Variants in FUT8 observed in about 807,000 individuals in gnomAD.
FUT8 encodes the protein alpha-(1,6)-fucosyltransferase.
Under a neutral mutation model 71.3 loss-of-function variants are expected in FUT8, and 29 were observed. The observed-to-expected ratio is 0.41, with a 90% CI of 0.30 to 0.55. The LOEUF is 0.55. FUT8 is among the 20% of genes least tolerant of loss of function. FUT8 has a pLI of 0.34. For missense variants in FUT8, 544 were observed against 702.1 expected (o/e 0.77, Z 2.55); for synonymous variants, 254 against 239.3 (o/e 1.06, Z -0.57).
At chr14:65,458,784 TTTC>T (rs1390940174) in intron 2 of FUT8, among the ~76,000 whole-genome samples, 2 of 150,990 alleles carry the variant, frequency 1.3e-5, no homozygotes, top group African/African-American at 4.9e-5. Context: ...TTTCTTTTCT[TTTC>T]TTTCTTTTTT....
In FUT8 at chr14:65,627,288, G is replaced by A. The variant is rs567844626; in HGVS notation, c.483-2204G>A. On this transcript the variant is annotated intron_variant, in intron 5 of 10. Coordinates refer to ENST00000673929, the MANE Select transcript of FUT8 (RefSeq NM_001371533.1). The surrounding 1 kb of genome is among the most constrained non-coding windows in gnomAD (Gnocchi z 4.0). ...AGTGTTAGCAGCAGTGAATCCATAC[G>A]GGCCTGCAGCAGCTCGATTCTTGCT... is the stretch of plus-strand genomic sequence containing the variant. Among the ~76,000 whole-genome samples, 1 of 152,040 alleles carries A rather than the reference G, an allele frequency of 6.6e-6. No homozygotes were observed. Among genetic ancestry groups the A allele is most frequent in the Non-Finnish European group, 1.5e-5 (1 of 68,002 alleles).
the FUT8 span, among the ~76,000 whole-genome samples, chr14:65,383,592 G>C: frequency 6.6e-6 from 1 of 152,078 alleles, no homozygotes; most frequent in African/African-American, 2.4e-5. Context: ...TTTTACCCAA[G>C]AATAAAATAC....
chr14:65,740,774 C>T (rs10134109), intron 10 of FUT8, among the ~76,000 whole-genome samples: 1 of 151,920 alleles, frequency 6.6e-6, no homozygotes, highest in African/African-American at 2.4e-5. Context: ...GAAACCGCCC[C>T]CATGATCCAA....
chr14:65,580,764 T>C (rs1321174080), intron 3 of FUT8, among the ~76,000 whole-genome samples: 1 of 152,072 alleles, frequency 6.6e-6, no homozygotes, highest in African/African-American at 2.4e-5. Flanking sequence ...CAATATCTTA[T>C]ATGAAAGATT....
In FUT8 at chr14:65,413,673, C is replaced by T. The variant is rs1487585586; in HGVS notation, c.-326+459C>T. Among the ~76,000 whole-genome samples, 1 of 152,184 alleles carries T rather than the reference C, an allele frequency of 6.6e-6. No individual in the cohort carries two copies. Among genetic ancestry groups the T allele is most frequent in the African/African-American group, 2.4e-5 (1 of 41,440 alleles). ...GTGCGTTATGGGCTCTTTCTGAGTG[C>T]TGCTCGGGCTAGAAAGCAGGGAGTG... On this transcript the variant is annotated intron_variant, in intron 1 of 10. Coordinates refer to ENST00000673929, the MANE Select transcript of FUT8 (RefSeq NM_001371533.1). The surrounding 1 kb of genome is among the most constrained non-coding windows in gnomAD (Gnocchi z 4.1).
At chr14:65,658,695 C>T (rs1891813964) in intron 6 of FUT8, among the ~76,000 whole-genome samples, 1 of 152,030 alleles carries the variant, frequency 6.6e-6, no homozygotes. Flanking sequence ...TTATAATGCT[C>T]TTAAAGTGAC....
chr14:65,400,625 C>A, the FUT8 span, among the ~76,000 whole-genome samples: 1 of 152,188 alleles, frequency 6.6e-6, no homozygotes, highest in Non-Finnish European at 1.5e-5. Flanking sequence ...GTGGCTCACA[C>A]CTATAATCCC....
chr14:65,616,281 A>G lies in FUT8; in HGVS notation c.390A>G (p.Leu130=), dbSNP rs780567844. Residue 130 remains leucine (L), a synonymous_variant, in exon 5 of 11, where the codon CTA becomes CTG. Coordinates refer to ENST00000673929, the MANE Select transcript of FUT8 (RefSeq NM_001371533.1). ...GAGCTAAAGAGCTCTGGTTTTTCCT[A>G]CAGAGTGAATTGAAGAAATTAAAGA... ...ENGAKELWFF[L]QSELKKLKNL... 1.9e-6 allele frequency: 3 copies of G among 1,612,704 alleles called. No homozygotes were observed. Among genetic ancestry groups the G allele is most frequent in the East Asian group, 2.2e-5 (1 of 44,866 alleles).
In FUT8 at chr14:65,568,928, G is replaced by A. The variant is rs117012915; in HGVS notation, c.203+7162G>A. ...TTAATAATATCCTATAGTATTTATA[G>A]TGCAGGTTTGATAGCAATAAATTCA... On this transcript the variant is annotated intron_variant, in intron 3 of 10. Coordinates refer to ENST00000673929, the MANE Select transcript of FUT8 (RefSeq NM_001371533.1). 4.2e-3 allele frequency among the ~76,000 whole-genome samples: 629 copies of A among 151,540 alleles called. 15 individuals are homozygous for A. The East Asian group carries it at 0.075, about 18-fold the overall frequency.
At chr14:65,719,458 G>A (rs1383769106) in intron 7 of FUT8, among the ~76,000 whole-genome samples, 2 of 152,076 alleles carry the variant, frequency 1.3e-5, no homozygotes, top group African/African-American at 2.4e-5. Context: ...GGTCCCTGGT[G>A]CCTTATTTAG....
At chr14:65,386,503 CAAAAAAA>C in the FUT8 span, among the ~76,000 whole-genome samples, 18 of 46,894 alleles carry the variant, frequency 3.8e-4, no homozygotes, top group African/African-American at 9.9e-4. Flanking sequence ...GACCTCGTCT[CAAAAAAA>C]AAAAAAAAAA....
At chr14:65,654,366 A>G (rs935335207) in intron 6 of FUT8, among the ~76,000 whole-genome samples, 29 of 152,208 alleles carry the variant, frequency 1.9e-4, no homozygotes, top group African/African-American at 6.3e-4. Context: ...AGGCAGGCGG[A>G]TCACCTGAGG....
chr14:65,516,146 C>T (rs146000750), intron 2 of FUT8: 1 of 151,352 alleles, frequency 6.6e-6, no homozygotes, highest in African/African-American at 2.4e-5. Context: ...CAGCATGGTA[C>T]TCTAGCCTAG....
chr14:65,653,492 G>T (rs1482616861), intron 6 of FUT8, among the ~76,000 whole-genome samples: 1 of 152,048 alleles, frequency 6.6e-6, no homozygotes, highest in Non-Finnish European at 1.5e-5. Flanking sequence ...CTTAAATTTG[G>T]CAAACCTAAA....
At chr14:65,691,754 T>C (rs11158608) in intron 7 of FUT8, among the ~76,000 whole-genome samples, 90,245 of 149,952 alleles carry the variant, frequency 0.6, 27,529 homozygotes, top group East Asian at 0.74. Flanking sequence ...TGCGGCCTTC[T>C]GCAGTGTTTG....
At chr14:65,450,968 T>C (rs925765522) in intron 1 of FUT8, among the ~76,000 whole-genome samples, 2 of 151,912 alleles carry the variant, frequency 1.3e-5, no homozygotes, top group African/African-American at 4.8e-5. Flanking sequence ...GCCATTCTCC[T>C]GCCTCAGCCT....
chr14:65,664,018 G>A (rs1411211387), intron 6 of FUT8, among the ~76,000 whole-genome samples: 1 of 152,054 alleles, frequency 6.6e-6, no homozygotes, highest in African/African-American at 2.4e-5. Flanking sequence ...GGGAAATTGG[G>A]TGTTAGGTAT....
chr14:65,715,981 A>C (rs1439071704), intron 7 of FUT8, among the ~76,000 whole-genome samples: 2 of 151,532 alleles, frequency 1.3e-5, no homozygotes, highest in East Asian at 3.9e-4. Flanking sequence ...TCTCAAAAAA[A>C]AAAAAAAACA....
Position 65,609,163 on chromosome 14 carries a change from C to T in FUT8, c.204-6815C>T, listed in dbSNP as rs1340141295. On this transcript the variant is annotated intron_variant, in intron 3 of 10. Transcript: ENST00000673929. ...TATAAAAATTAGCCGGGTGTGGTGG[C>T]GCGCTCCTGTAGTCCCAGCTACTTG... 7.3e-5 allele frequency among the ~76,000 whole-genome samples: 11 copies of T among 151,494 alleles called. 1 individual carries two copies. Among genetic ancestry groups the T allele is most frequent in the African/African-American group, 1.7e-4 (7 of 41,302 alleles).
Sources: allele counts gnomAD v4.1 joint callset (sites outside exome capture counted in the v4.1 genomes callset), GRCh38; gene constraint gnomAD v4.1.1; non-coding constraint Gnocchi (gnomAD v3.1); transcripts MANE v1.5; gene names NCBI Gene and HGNC (gene_info 2026-07-23, HGNC 2026-07-21).